The following POFUT3 variants were observed in gnomAD, a reference collection of about 807,000 sequenced individuals.
POFUT3 encodes the protein GDP-fucose protein O-fucosyltransferase 3.
At chr8:33,472,496 GGCCTGCGGTT>G in the POFUT3 span, among the ~76,000 whole-genome samples, 1 of 152,210 alleles carries the variant, frequency 6.6e-6, no homozygotes, top group African/African-American at 2.4e-5. Context: ...GGATAACCCA[GGCCTGCGGTT>G]GCCGGTGCTT....
the POFUT3 span, among the ~76,000 whole-genome samples, chr8:33,472,545 C>G: frequency 6.6e-6 from 1 of 152,332 alleles, no homozygotes; most frequent in South Asian, 2.1e-4. Context: ...ATTAAATACG[C>G]CGTATTCTCT....
chr8:33,355,492 TA>T, the POFUT3 span, among the ~76,000 whole-genome samples: 4 of 152,118 alleles, frequency 2.6e-5, no homozygotes, highest in African/African-American at 4.8e-5. Context: ...ACCAGCTACC[TA>T]GGCATCCCTT....
At chr8:33,367,340 TCCTGCTGCAGTTAACTACCCCAA>T in the POFUT3 span, among the ~76,000 whole-genome samples, 1 of 152,238 alleles carries the variant, frequency 6.6e-6, no homozygotes, top group Non-Finnish European at 1.5e-5. Flanking sequence ...AAGGACATGC[TCCTGCTGCAGTTAACTACCCCAA>T]CCTATTCCTT....
the POFUT3 span, among the ~76,000 whole-genome samples, chr8:33,355,269 A>T: frequency 6.6e-6 from 1 of 152,244 alleles, no homozygotes; most frequent in Non-Finnish European, 1.5e-5. Context: ...AGGCTCACTT[A>T]TAAGTGCTGA....
At chr8:33,389,665 A>T in the POFUT3 span, 1 of 1,614,186 alleles carries the variant, frequency 6.2e-7, no homozygotes, top group East Asian at 2.2e-5. Flanking sequence ...TGAACGTGGC[A>T]GTGTAGTTGA....
At chr8:33,341,895 C>CA in the POFUT3 span, among the ~76,000 whole-genome samples, 3 of 151,764 alleles carry the variant, frequency 2.0e-5, no homozygotes, top group Non-Finnish European at 4.4e-5. Flanking sequence ...TCCATCTCTA[C>CA]AAAAAAATCA....
chr8:33,354,345 T>C, the POFUT3 span, among the ~76,000 whole-genome samples: 1 of 152,124 alleles, frequency 6.6e-6, no homozygotes, highest in African/African-American at 2.4e-5. Flanking sequence ...TAATTCCCTG[T>C]AAGTCCAAAG....
the POFUT3 span, among the ~76,000 whole-genome samples, chr8:33,325,959 T>G: frequency 1.3e-5 from 2 of 152,164 alleles, no homozygotes; most frequent in African/African-American, 4.8e-5. Context: ...CACGGTTTGG[T>G]GCAGTTGTTC....
chr8:33,457,370 C>T, the POFUT3 span, among the ~76,000 whole-genome samples: 1 of 152,264 alleles, frequency 6.6e-6, no homozygotes, highest in Admixed American at 6.5e-5. Context: ...GTGGCACACA[C>T]CTGTAATCTC....
the POFUT3 span, chr8:33,339,011 A>C: frequency 6.6e-6 from 1 of 152,230 alleles, no homozygotes; most frequent in Non-Finnish European, 1.5e-5. Flanking sequence ...TTGCAATAAA[A>C]AATTATTCAT....
chr8:33,318,469 T>G, the POFUT3 span, among the ~76,000 whole-genome samples: 1 of 134,188 alleles, frequency 7.5e-6, no homozygotes, highest in Non-Finnish European at 1.5e-5. Flanking sequence ...AATTCTATTA[T>G]ATTATTATAA....
At chr8:33,387,757 T>C in the POFUT3 span, among the ~76,000 whole-genome samples, 1 of 152,080 alleles carries the variant, frequency 6.6e-6, no homozygotes, top group African/African-American at 2.4e-5. Context: ...TGAGCTGAGA[T>C]GGTGCCACTG....
the POFUT3 span, among the ~76,000 whole-genome samples, chr8:33,444,389 C>T: frequency 1.3e-5 from 2 of 151,882 alleles, no homozygotes; most frequent in Admixed American, 6.6e-5. Context: ...ACAAGGAGGA[C>T]GGTAAGGGAT....
At chr8:33,444,151 A>G in the POFUT3 span, among the ~76,000 whole-genome samples, 1 of 151,926 alleles carries the variant, frequency 6.6e-6, no homozygotes, top group African/African-American at 2.4e-5. Flanking sequence ...GAAAGAAAAT[A>G]CGGCAGGGGT....
At chr8:33,432,891 C>T in the POFUT3 span, among the ~76,000 whole-genome samples, 1 of 152,116 alleles carries the variant, frequency 6.6e-6, no homozygotes, top group African/African-American at 2.4e-5. Flanking sequence ...ATTTGCACTG[C>T]TCCTTTAAAT....
the POFUT3 span, among the ~76,000 whole-genome samples, chr8:33,469,922 A>C: frequency 6.8e-6 from 1 of 147,346 alleles, no homozygotes; most frequent in African/African-American, 2.5e-5. Flanking sequence ...CAGCCTCCCG[A>C]GTAGCTGGGA....
chr8:33,411,145 G>A, the POFUT3 span, among the ~76,000 whole-genome samples: 1 of 152,170 alleles, frequency 6.6e-6, no homozygotes, highest in Non-Finnish European at 1.5e-5. Flanking sequence ...TTGCATGAAA[G>A]GAATTAGAGG....
At chr8:33,388,181 A>G in the POFUT3 span, among the ~76,000 whole-genome samples, 2 of 152,156 alleles carry the variant, frequency 1.3e-5, no homozygotes, top group African/African-American at 4.8e-5. Flanking sequence ...AGAAAGAGTA[A>G]ATATTAGAGC....
the POFUT3 span, among the ~76,000 whole-genome samples, chr8:33,348,579 C>T: frequency 2.0e-5 from 3 of 152,116 alleles, no homozygotes; most frequent in Admixed American, 2.0e-4. Flanking sequence ...CTGGTAATTA[C>T]ACAGGAGAAA....
Sources: gnomAD v4.1 joint callset for allele counts (sites outside exome capture counted in the v4.1 genomes callset) on GRCh38, gnomAD v4.1.1 for gene constraint, MANE v1.5 for transcripts, NCBI Gene and HGNC (gene_info 2026-07-23, HGNC 2026-07-21) for gene names.